PHKB: variants seen among roughly 807,000 people sequenced by gnomAD.
The protein encoded by PHKB is phosphorylase b kinase regulatory subunit beta.
In PHKB, 122 loss-of-function variants were observed where a neutral mutation model predicts 152.1. The ratio of observed to expected loss-of-function variants is 0.80; its 90% CI spans 0.69 to 0.93. The LOEUF (loss-of-function observed/expected upper bound fraction) is 0.93, where lower values mean the gene tolerates loss of function less well. PHKB is among the 40% of genes least tolerant of loss of function. The pLI is 0.00. For synonymous variants in PHKB, 436 were observed against 464.9 expected (o/e 0.94, Z 0.80); for missense variants, 1,304 against 1,328.4 (o/e 0.98, Z 0.29).
At chr16:47,560,895 G>A (rs952841549) in intron 7 of PHKB, among the ~76,000 whole-genome samples, 1 of 152,100 alleles carries the variant, frequency 6.6e-6, no homozygotes, top group South Asian at 2.1e-4. Flanking sequence ...AAAGATAGAA[G>A]ATATATTTTG....
intron 13 of PHKB, 62 bp from the exon 14 acceptor site, chr16:47,610,764 A>G: frequency 2.3e-6 from 2 of 885,012 alleles, no homozygotes; most frequent in Admixed American, 1.8e-5. Flanking sequence ...CTAAAAGTCT[A>G]GTTGGTTTAT....
intron 7 of PHKB, among the ~76,000 whole-genome samples, chr16:47,548,710 CATAAG>C (rs1272463340): frequency 3.3e-5 from 5 of 151,878 alleles, no homozygotes; most frequent in Non-Finnish European, 7.4e-5. Context: ...AATAAGATGA[CATAAG>C]ATATTTAGTA....
intron 9 of PHKB, among the ~76,000 whole-genome samples, 187 bp downstream of exon 9, chr16:47,587,950 G>C (rs1971962844): frequency 1.3e-5 from 2 of 152,110 alleles, no homozygotes; most frequent in African/African-American, 2.4e-5. Context: ...CAAGAGTTGT[G>C]GACACGGCTG....
intron 27 of PHKB, among the ~76,000 whole-genome samples, chr16:47,692,213 A>G (rs1974073281): frequency 6.6e-6 from 1 of 152,190 alleles, no homozygotes; most frequent in South Asian, 2.1e-4. Context: ...TGTTTACTGT[A>G]TCCTGCATAG....
chr16:47,558,377 TATA>T (rs1242974086), intron 7 of PHKB, among the ~76,000 whole-genome samples: 1 of 152,014 alleles, frequency 6.6e-6, no homozygotes, highest in Non-Finnish European at 1.5e-5. Flanking sequence ...AAACTTAAAG[TATA>T]ATAATAATAA....
At chr16:47,527,170 A>T (rs974501917) in intron 6 of PHKB, among the ~76,000 whole-genome samples, 1 of 152,236 alleles carries the variant, frequency 6.6e-6, no homozygotes, top group Non-Finnish European at 1.5e-5. Flanking sequence ...ACAATTCAAC[A>T]TGAGATTAGA....
At position 47,692,364 on chromosome 16, in the gene PHKB, C is replaced by T. The variant is rs28533453; in HGVS notation, c.2766-1014C>T. On this transcript the variant is annotated intron_variant, in intron 27 of 30. Coordinates refer to ENST00000323584, the MANE Select transcript of PHKB (RefSeq NM_000293.3). Reference sequence around the variant, plus strand: ...TGTGCCGTGGTTCATGCCTATAATCCCAGCACTTTGGGAGGCCAAGGCAGG... The same window carrying T: ...TGTGCCGTGGTTCATGCCTATAATCTCAGCACTTTGGGAGGCCAAGGCAGG... 4.2e-3 allele frequency among the ~76,000 whole-genome samples: 639 copies of T among 152,120 alleles called. 6 individuals carry two copies. The highest frequency in any genetic ancestry group is 0.015 in the African/African-American group (609 of 41,484).
intron 7 of PHKB, 90 bp from the exon 8 acceptor site, chr16:47,580,205 G>T (rs1971818522): frequency 2.1e-6 from 2 of 935,024 alleles, no homozygotes; most frequent in African/African-American, 3.3e-5. Context: ...TGTTAATAAA[G>T]AAATTTGCTC....
At chr16:47,469,816 A>G (rs1480873388) in intron 1 of PHKB, among the ~76,000 whole-genome samples, 4 of 152,168 alleles carry the variant, frequency 2.6e-5, no homozygotes, top group Admixed American at 6.5e-5. Context: ...AACCAAACAA[A>G]TTGTGTCTAA....
At chr16:47,697,762 T>C (rs2089544724) in intron 29 of PHKB, among the ~76,000 whole-genome samples, 1 of 152,248 alleles carries the variant, frequency 6.6e-6, no homozygotes, top group Admixed American at 6.5e-5. Context: ...TATGCAGATA[T>C]TATTTTTGCT....
intron 6 of PHKB, among the ~76,000 whole-genome samples, chr16:47,521,866 T>G (rs1970691625): frequency 6.6e-6 from 1 of 152,204 alleles, no homozygotes; most frequent in Non-Finnish European, 1.5e-5. Flanking sequence ...CTTCATTGAT[T>G]GATTTTCTTA....
At chr16:47,577,925 C>T (rs2151691399) in intron 7 of PHKB, among the ~76,000 whole-genome samples, 1 of 152,186 alleles carries the variant, frequency 6.6e-6, no homozygotes, top group East Asian at 1.9e-4. Context: ...TGCCCTCTGT[C>T]TCTCTCCTTT....
Position 47,503,081 on chromosome 16 carries a change from G to A in PHKB, c.396G>A (p.Gln132=). ...MRGILYCYMR[Q]ADKVQQFKQD... is the part of the protein sequence containing the mutation. ...GAATTCTCTACTGCTATATGCGTCA[G>A]GCCGATAAGGTAAAACATTGTGGTG... The change falls in exon 4 of 31, where the codon CAG becomes CAA. Residue 132 remains glutamine, a synonymous_variant. Coordinates refer to ENST00000323584, the MANE Select transcript of PHKB (RefSeq NM_000293.3). 1 of 1,597,724 alleles carries A rather than the reference G, an allele frequency of 6.3e-7. No homozygotes were observed. Among genetic ancestry groups the A allele is most frequent in the Admixed American group, 1.7e-5 (1 of 60,004 alleles).
At chr16:47,681,287 C>T (rs1973849596) in intron 26 of PHKB, among the ~76,000 whole-genome samples, 2 of 150,360 alleles carry the variant, frequency 1.3e-5, no homozygotes, top group African/African-American at 4.8e-5. Context: ...CTATTAGGTC[C>T]ACTTGGTGCA....
At chr16:47,534,440 A>G (rs1970917515) in intron 6 of PHKB, among the ~76,000 whole-genome samples, 1 of 152,182 alleles carries the variant, frequency 6.6e-6, no homozygotes, top group African/African-American at 2.4e-5. Flanking sequence ...TTTCCTAGAG[A>G]CATACTAAAA....
At chr16:47,503,277 A>G (rs1597036022) in intron 4 of PHKB, among the ~76,000 whole-genome samples, 187 bp downstream of exon 4, 1 of 152,214 alleles carries the variant, frequency 6.6e-6, no homozygotes, top group East Asian at 1.9e-4. Flanking sequence ...GATTGAAGGA[A>G]CACCTTAAGC....
chr16:47,581,401 A>T (rs903123581), intron 8 of PHKB, among the ~76,000 whole-genome samples: 2 of 152,150 alleles, frequency 1.3e-5, no homozygotes, highest in Non-Finnish European at 2.9e-5. Flanking sequence ...GGATGGATGG[A>T]TGGATGAATA....
At chr16:47,565,552 T>C (rs1156263299) in intron 7 of PHKB, 6 of 1,117,570 alleles carry the variant, frequency 5.4e-6, no homozygotes, top group Admixed American at 5.1e-5. Context: ...GTGACAGTCT[T>C]CCTCCTTATT....
intron 21 of PHKB, 28 bp downstream of exon 21, chr16:47,660,595 T>G (rs373796789): frequency 4.3e-6 from 7 of 1,612,206 alleles, no homozygotes; most frequent in Non-Finnish European, 5.9e-6. Flanking sequence ...ATTTCATTTT[T>G]GGGTTTTTTG....
Sources: gnomAD v4.1 joint callset for allele counts (sites outside exome capture counted in the v4.1 genomes callset) on GRCh38, gnomAD v4.1.1 for gene constraint, MANE v1.5 for transcripts, NCBI Gene and HGNC (gene_info 2026-07-23, HGNC 2026-07-21) for gene names.